The following ITPR1 variants were observed in gnomAD, a reference collection of about 807,000 sequenced individuals.
The protein encoded by ITPR1 is inositol 1,4,5-trisphosphate-gated calcium channel ITPR1.
In ITPR1, 96 loss-of-function variants were observed where a neutral mutation model predicts 318.4. The ratio of observed to expected loss-of-function variants is 0.30; its 90% CI spans 0.26 to 0.36. ITPR1 has a LOEUF of 0.36. Ranked by LOEUF, ITPR1 falls within the 10% of genes least tolerant of loss-of-function variation. The pLI is 1.00. For synonymous variants in ITPR1, 1,312 were observed against 1,289.9 expected, an observed-to-expected ratio of 1.02 and a Z score of -0.37; for missense variants, 2,440 against 3,460.2, an observed-to-expected ratio of 0.71 and a Z score of 7.40.
intron 4 of ITPR1, among the ~76,000 whole-genome samples, chr3:4,608,199 T>C (rs2091837777): frequency 6.6e-6 from 1 of 152,152 alleles, no homozygotes; most frequent in Admixed American, 6.5e-5. Context: ...CTGGCAATTA[T>C]GATTTACTCC....
chr3:4,607,322 C>T (rs1042081518), intron 4 of ITPR1, among the ~76,000 whole-genome samples: 2 of 152,168 alleles, frequency 1.3e-5, no homozygotes, highest in African/African-American at 4.8e-5. Context: ...ATTCAGTTAT[C>T]CTGCAGGTCA....
chr3:4,841,497 G>A (rs1045379150), intron 61 of ITPR1, among the ~76,000 whole-genome samples: 1 of 152,208 alleles, frequency 6.6e-6, no homozygotes, highest in Non-Finnish European at 1.5e-5. Flanking sequence ...ACACCTGTTT[G>A]CCAGGTGCGG....
Position 4,809,214 on chromosome 3 carries a change from C to G in ITPR1, c.7273-2051C>G, listed in dbSNP as rs80328490. On this transcript the variant is annotated intron_variant, in intron 55 of 61. Transcript: ENST00000649015. ...TGAAAGCAGCAGGCAAAATGTTTCT[C>G]TTATACCATTTGACTCAAATACTCC... 7.0e-3 allele frequency among the ~76,000 whole-genome samples: 1,071 copies of G among 152,276 alleles called. 9 individuals carry two copies. Among genetic ancestry groups the G allele is most frequent in the African/African-American group, 0.024 (1,008 of 41,558 alleles).
Position 4,673,323 on chromosome 3 carries a change from CA to C in ITPR1, c.2394del (p.Val799SerfsTer4). 1 of 1,613,580 alleles carries C rather than the reference CA, an allele frequency of 6.2e-7. No individual in the cohort carries two copies. The highest frequency in any genetic ancestry group is 8.5e-7 in the Non-Finnish European group (1 of 1,179,546). On this transcript the variant is annotated frameshift_variant, in exon 21 of 62. Transcript: ENST00000649015. LOFTEE classifies it high-confidence loss of function. ...GCATGTGGACCGAGATCCCCAGGAA[CA>C]AGTCACCCCCGTGAAATATGCCCGC... ...HMHVDRDPQE[Q>X]VTPVKYARLW...
intron 4 of ITPR1, among the ~76,000 whole-genome samples, chr3:4,569,056 C>T (rs766792715): frequency 3.9e-5 from 6 of 152,146 alleles, no homozygotes; most frequent in Non-Finnish European, 5.9e-5. Context: ...CACCTCCCAC[C>T]AGGCCCCACC....
At chr3:4,799,522 C>T (rs1278091774) in intron 53 of ITPR1, among the ~76,000 whole-genome samples, 1 of 152,146 alleles carries the variant, frequency 6.6e-6, no homozygotes, top group African/African-American at 2.4e-5. Context: ...CCAGTGGTGC[C>T]ACAATCCAAG....
At chr3:4,709,597 A>G (rs753932773) in intron 37 of ITPR1, among the ~76,000 whole-genome samples, 27 of 152,294 alleles carry the variant, frequency 1.8e-4, no homozygotes, top group Admixed American at 3.9e-4. Flanking sequence ...TTTGAAGATA[A>G]TTTCTCATCT....
At chr3:4,795,299 T>G (rs2047827466) in intron 53 of ITPR1, 112 bp downstream of exon 53, 1 of 920,920 alleles carries the variant, frequency 1.1e-6, no homozygotes, top group African/African-American at 1.7e-5. Flanking sequence ...ATCCCAGTTA[T>G]CCACATTCAG....
At chr3:4,565,547 A>G (rs4684421) in intron 4 of ITPR1, among the ~76,000 whole-genome samples, 119,343 of 152,110 alleles carry the variant, frequency 0.78, 46,953 homozygotes, top group Non-Finnish European at 0.81. Context: ...TTTGCCTCCT[A>G]GTGCCAAGAA....
At chr3:4,711,535 C>G in intron 38 of ITPR1, 3 of 526,390 alleles carry the variant, frequency 5.7e-6, no homozygotes, top group Non-Finnish European at 1.0e-5. Flanking sequence ...TGACTCCTGC[C>G]CAGTGAGCCT....
chr3:4,568,730 G>A (rs1327892588), intron 4 of ITPR1, among the ~76,000 whole-genome samples: 1 of 152,228 alleles, frequency 6.6e-6, no homozygotes, highest in African/African-American at 2.4e-5. Flanking sequence ...GGAGCCAGGT[G>A]TCAGGCGGAT....
intron 44 of ITPR1, among the ~76,000 whole-genome samples, chr3:4,740,523 G>A (rs2043624361): frequency 6.6e-6 from 1 of 152,128 alleles, no homozygotes; most frequent in Non-Finnish European, 1.5e-5. Context: ...TGGAGGGTTT[G>A]CTCCCTTATT....
intron 4 of ITPR1, among the ~76,000 whole-genome samples, chr3:4,560,212 A>C (rs1299089938): frequency 6.6e-6 from 1 of 152,218 alleles, no homozygotes; most frequent in East Asian, 1.9e-4. Context: ...TGGTGGATGC[A>C]CAGATGGACA....
chr3:4,672,996 A>G (rs997644469), intron 20 of ITPR1, 140 bp from the exon 21 acceptor site: 5 of 835,474 alleles, frequency 6.0e-6, no homozygotes, highest in African/African-American at 5.1e-5. Flanking sequence ...CTGGTATACA[A>G]GAGCAATTTA....
chr3:4,722,707 C>T (rs995282985), intron 40 of ITPR1, among the ~76,000 whole-genome samples: 9 of 151,944 alleles, frequency 5.9e-5, no homozygotes, highest in Admixed American at 6.6e-5. Context: ...GTGGTTTTAC[C>T]GACTTAGATA....
intron 4 of ITPR1, among the ~76,000 whole-genome samples, chr3:4,528,932 A>G (rs910336672): frequency 2.0e-5 from 3 of 152,226 alleles, no homozygotes; most frequent in Admixed American, 6.5e-5. Flanking sequence ...ACAAAACTGT[A>G]ATTTAAGTCA....
chr3:4,700,095 T>G (rs1374857640), intron 35 of ITPR1, among the ~76,000 whole-genome samples, 154 bp downstream of exon 35: 1 of 152,222 alleles, frequency 6.6e-6, no homozygotes, highest in Non-Finnish European at 1.5e-5. Flanking sequence ...TTTGATGGGA[T>G]TTCTTGGGTA....
At chr3:4,814,609 T>TGGTTGGGCCTGGGGGGGGGGGGGGGGG in intron 58 of ITPR1, 47 bp downstream of exon 58, 1 of 458,446 alleles carries the variant, frequency 2.2e-6, no homozygotes, top group Non-Finnish European at 3.9e-6. Context: ...GCGGGTGGGG[T>TGGTTGGGCCTGGGGGGGGGGGGGGGGG]GGTTGGTGGG....
At chr3:4,576,033 AAAG>A (rs1355749940) in intron 4 of ITPR1, among the ~76,000 whole-genome samples, 1 of 152,060 alleles carries the variant, frequency 6.6e-6, no homozygotes, top group African/African-American at 2.4e-5. Flanking sequence ...AAAAAAAAAA[AAAG>A]AAATGTGGCT....
Sources: gnomAD v4.1 joint callset for allele counts (sites outside exome capture counted in the v4.1 genomes callset) on GRCh38, gnomAD v4.1.1 for gene constraint, MANE v1.5 for transcripts, NCBI Gene and HGNC (gene_info 2026-07-23, HGNC 2026-07-21) for gene names.